The following PPP1R16B variants were observed in gnomAD, a reference collection of about 807,000 sequenced individuals.
The protein encoded by PPP1R16B is protein phosphatase 1 regulatory subunit 16B.
PPP1R16B carries 14 observed loss-of-function variants against 61.7 expected under a neutral mutation model. That is an observed-to-expected ratio of 0.23 (90% CI 0.15 to 0.35). The LOEUF (loss-of-function observed/expected upper bound fraction) is 0.35. Among genes scored for constraint, PPP1R16B ranks in the 10% least tolerant of loss-of-function variants. The pLI, the probability that PPP1R16B is intolerant of heterozygous loss-of-function variation, is 1.00. For missense variants in PPP1R16B, 547 were observed against 752.5 expected, an observed-to-expected ratio of 0.73 and a Z score of 3.19; for synonymous variants, 266 against 305.3, an observed-to-expected ratio of 0.87 and a Z score of 1.34.
chr20:38,874,022 C>A (rs763337432), intron 2 of PPP1R16B, among the ~76,000 whole-genome samples: 1 of 152,166 alleles, frequency 6.6e-6, no homozygotes, highest in Admixed American at 6.5e-5. Flanking sequence ...AGCCACCGTG[C>A]CTGGCCAGCT....
intron 3 of PPP1R16B, among the ~76,000 whole-genome samples, chr20:38,893,649 A>G (rs2085308953): frequency 6.6e-6 from 1 of 152,018 alleles, no homozygotes. Context: ...GCCGCAGCAG[A>G]GGAGGAGGCC....
rs76972740 is a variant in PPP1R16B, at chr20:38,912,572, G to A, written c.1194+4379G>A. ...GTACCTGTAGTCTTAGGTCTTGTGAGGCTGAGGCAGGAGGATTGCTTGAGT... is the reference window on the plus strand; with the variant it reads ...GTACCTGTAGTCTTAGGTCTTGTGAAGCTGAGGCAGGAGGATTGCTTGAGT... On this transcript the variant is annotated intron_variant, in intron 10 of 10. Coordinates refer to ENST00000299824, the MANE Select transcript of PPP1R16B (RefSeq NM_015568.4). Among the ~76,000 whole-genome samples the A allele has an allele frequency of 8.1e-3, 1,228 of 151,714 alleles. 14 individuals carry two copies. Among genetic ancestry groups the A allele is most frequent in the African/African-American group, 0.028 (1,173 of 41,356 alleles).
chr20:38,821,220 G>A (rs1330186980), intron 1 of PPP1R16B, among the ~76,000 whole-genome samples: 1 of 152,158 alleles, frequency 6.6e-6, no homozygotes, highest in African/African-American at 2.4e-5. Context: ...AATGGTGAGT[G>A]CCTCCCCATG....
chr20:38,894,762 C>T (rs79524784), intron 3 of PPP1R16B, among the ~76,000 whole-genome samples: 420 of 152,326 alleles, frequency 2.8e-3, no homozygotes, highest in African/African-American at 9.7e-3. Context: ...CCTAGCTTGA[C>T]GCTCCTCTGT....
Position 38,921,572 on chromosome 20 carries a change from G to A in PPP1R16B, c.*2906G>A, listed in dbSNP as rs944834053. On this transcript the variant is annotated 3_prime_UTR_variant, in exon 11 of 11. Coordinates refer to ENST00000299824, the MANE Select transcript of PPP1R16B (RefSeq NM_015568.4). ...GGGAACAGCTGTCATGGTCACCCCT[G>A]GATAACATTTGCCACCAAGTATAGA... is the stretch of plus-strand genomic sequence containing the variant. The A allele has an allele frequency of 2.6e-5, 4 of 152,170 alleles. No homozygotes were observed. The highest frequency in any genetic ancestry group is 9.7e-5 in the African/African-American group (4 of 41,444). 9.4% of individuals were successfully genotyped at this position (152,170 alleles called of 1,614,324 possible).
At chr20:38,813,767 C>CATCATTATT (rs1187115840) in intron 1 of PPP1R16B, among the ~76,000 whole-genome samples, 7 of 132,062 alleles carry the variant, frequency 5.3e-5, no homozygotes, top group African/African-American at 1.4e-4. Flanking sequence ...TCATCATCAT[C>CATCATTATT]ATTATTATTA....
intron 3 of PPP1R16B, among the ~76,000 whole-genome samples, chr20:38,891,556 T>C (rs554214953): frequency 3.9e-4 from 60 of 152,302 alleles, no homozygotes; most frequent in Admixed American, 2.2e-3. Flanking sequence ...TCCCGGCTCT[T>C]TGGGAGGCCA....
intron 3 of PPP1R16B, 110 bp downstream of exon 3, chr20:38,889,775 A>AGG: frequency 8.8e-7 from 1 of 1,135,258 alleles, no homozygotes; most frequent in East Asian, 2.4e-5. Flanking sequence ...GGAATGAGGG[A>AGG]GGGAGGAGGA....
At chr20:38,904,275 C>T (rs1244467755) in intron 6 of PPP1R16B, among the ~76,000 whole-genome samples, 1 of 152,236 alleles carries the variant, frequency 6.6e-6, no homozygotes, top group African/African-American at 2.4e-5. Context: ...GTCCTCTAGA[C>T]ACAGGGATCT....
At position 38,908,007 on chromosome 20, in the gene PPP1R16B, G is replaced by A. The variant is rs190052755; in HGVS notation, c.1029-21G>A. On this transcript the variant is annotated intron_variant, in intron 9 of 10. Transcript: ENST00000299824. ...CTGTGGTGCCTGGGTGCAGCCTCTA[G>A]GACCCACTTTGTCCTCTCAGGAAGG... 159 of 1,614,070 alleles carry A rather than the reference G, an allele frequency of 9.9e-5. No homozygotes were observed. In the East Asian group the frequency reaches 3.2e-3, roughly 33 times the overall value.
chr20:38,854,938 A>G (rs1291605749), intron 2 of PPP1R16B, among the ~76,000 whole-genome samples: 1 of 152,176 alleles, frequency 6.6e-6, no homozygotes, highest in Non-Finnish European at 1.5e-5. Context: ...GCGGCCTTCT[A>G]TCAGTCAGTC....
intron 10 of PPP1R16B, among the ~76,000 whole-genome samples, chr20:38,910,793 C>T (rs975716295): frequency 4.0e-5 from 6 of 151,826 alleles, no homozygotes; most frequent in Non-Finnish European, 7.4e-5. Flanking sequence ...GTCAAGAGAT[C>T]GAGACCATCC....
At chr20:38,864,271 T>C (rs2085075535) in intron 2 of PPP1R16B, among the ~76,000 whole-genome samples, 1 of 152,228 alleles carries the variant, frequency 6.6e-6, no homozygotes, top group Non-Finnish European at 1.5e-5. Flanking sequence ...ATTGTGGTGA[T>C]GATTGTACAA....
chr20:38,904,632 C>T (rs1199463050), intron 6 of PPP1R16B, among the ~76,000 whole-genome samples: 1 of 151,994 alleles, frequency 6.6e-6, no homozygotes, highest in Non-Finnish European at 1.5e-5. Flanking sequence ...CTAATTTTCA[C>T]ATCATACCCT....
At chr20:38,836,212 CT>C in intron 2 of PPP1R16B, 37 bp downstream of exon 2, 1 of 1,583,948 alleles carries the variant, frequency 6.3e-7, no homozygotes. Context: ...ACGCAGCTGC[CT>C]TGGCCTCTGA....
At chr20:38,896,995 A>T (rs1041855768) in intron 4 of PPP1R16B, among the ~76,000 whole-genome samples, 2 of 152,016 alleles carry the variant, frequency 1.3e-5, no homozygotes, top group Non-Finnish European at 2.9e-5. Context: ...AAAAATACAA[A>T]ATTAGCCGGG....
intron 1 of PPP1R16B, among the ~76,000 whole-genome samples, chr20:38,828,573 C>G (rs547716275): frequency 1.1e-4 from 17 of 152,312 alleles, no homozygotes; most frequent in Admixed American, 7.8e-4. Context: ...TGGTGACCGC[C>G]AAGCATTGGT....
intron 1 of PPP1R16B, among the ~76,000 whole-genome samples, chr20:38,811,922 A>G (rs941697459): frequency 9.2e-5 from 14 of 152,220 alleles, no homozygotes; most frequent in African/African-American, 3.4e-4. Context: ...ACTGTGTCCA[A>G]TTCATTCAGC....
In PPP1R16B at chr20:38,908,138, C is replaced by A. The variant is rs201292506; in HGVS notation, c.1139C>A (p.Ser380Tyr). 2 of 1,614,234 alleles carry A rather than the reference C, an allele frequency of 1.2e-6. No individual in the cohort carries two copies. The highest frequency in any genetic ancestry group is 1.7e-6 in the Non-Finnish European group (2 of 1,180,034). ...QRSAAEDQRT[S>Y]TYNGDIRETR... ...AGTGCAGCTGAGGATCAGCGGACCT[C>A]CACCTACAACGGGGACATCAGGGAG... Residue 380 changes from serine to tyrosine, a missense_variant, in exon 10 of 11, where the codon TCC becomes TAC. Coordinates refer to ENST00000299824, the MANE Select transcript of PPP1R16B (RefSeq NM_015568.4).
Sources: gnomAD v4.1 joint callset for allele counts (sites outside exome capture counted in the v4.1 genomes callset) on GRCh38, gnomAD v4.1.1 for gene constraint, MANE v1.5 for transcripts, NCBI Gene and HGNC (gene_info 2026-07-23, HGNC 2026-07-21) for gene names.